Variants in EPB41L4A observed in about 807,000 individuals in gnomAD.
EPB41L4A encodes band 4.1-like protein 4A.
EPB41L4A carries 100 observed loss-of-function variants against 108.6 expected under a neutral mutation model. The observed-to-expected ratio is 0.92, with a 90% CI of 0.78 to 1.09. EPB41L4A has a LOEUF of 1.09. Among genes scored for constraint, EPB41L4A ranks in the 50% least tolerant of loss-of-function variants. The pLI is 0.00. For synonymous variants in EPB41L4A, 319 were observed against 289.0 expected (o/e 1.10, Z -1.05); for missense variants, 1,030 against 842.7 (o/e 1.22, Z -2.75).
At chr5:112,295,595 C>A (rs1016916252) in intron 2 of EPB41L4A, among the ~76,000 whole-genome samples, 3 of 152,070 alleles carry the variant, frequency 2.0e-5, no homozygotes, top group East Asian at 1.9e-4. Flanking sequence ...CCCAAGGGCA[C>A]GAATAATCAC....
chr5:112,288,520 G>A (rs938696681), intron 2 of EPB41L4A, among the ~76,000 whole-genome samples: 1 of 152,126 alleles, frequency 6.6e-6, no homozygotes, highest in African/African-American at 2.4e-5. Context: ...AGGGCCAATC[G>A]TCATAGTGAA....
intron 7 of EPB41L4A, 104 bp downstream of exon 7, chr5:112,262,390 C>A: frequency 1.1e-6 from 1 of 888,674 alleles, no homozygotes; most frequent in Non-Finnish European, 1.8e-6. Context: ...GTATCATCTG[C>A]TTGCTAAACA....
intron 18 of EPB41L4A, among the ~76,000 whole-genome samples, chr5:112,177,078 T>G (rs927156184): frequency 1.3e-5 from 2 of 152,038 alleles, no homozygotes; most frequent in African/African-American, 4.8e-5. Flanking sequence ...TGAACTACTA[T>G]CCACACAAAT....
intron 5 of EPB41L4A, 77 bp from the exon 6 acceptor site, chr5:112,265,093 C>A: frequency 8.1e-7 from 1 of 1,233,058 alleles, no homozygotes; most frequent in Non-Finnish European, 1.1e-6. Context: ...ATATTCCTAA[C>A]ATGCTTAAAC....
intron 9 of EPB41L4A, among the ~76,000 whole-genome samples, chr5:112,254,952 GTT>G (rs565140881): frequency 8.1e-4 from 124 of 152,186 alleles, no homozygotes; most frequent in African/African-American, 2.9e-3. Context: ...TGAAGACCCT[GTT>G]TCCACTGTAG....
intron 12 of EPB41L4A, among the ~76,000 whole-genome samples, chr5:112,223,834 C>A (rs1748252118): frequency 6.6e-6 from 1 of 151,712 alleles, no homozygotes; most frequent in African/African-American, 2.4e-5. Flanking sequence ...GTTAACCAAA[C>A]AGGCAAAATC....
At chr5:112,298,565 T>G (rs1754157755) in intron 2 of EPB41L4A, among the ~76,000 whole-genome samples, 1 of 152,228 alleles carries the variant, frequency 6.6e-6, no homozygotes, top group Non-Finnish European at 1.5e-5. Context: ...ATCTTTTGTA[T>G]ATGCTGTTGG....
intron 21 of EPB41L4A, 52 bp from the exon 22 acceptor site, chr5:112,168,872 A>C: frequency 6.4e-7 from 1 of 1,555,298 alleles, no homozygotes; most frequent in Non-Finnish European, 8.9e-7. Flanking sequence ...CTAGAATCAT[A>C]AATTAAGTTG....
rs566886436 is a variant in EPB41L4A at position 112,181,244 on chromosome 5, G to C, written c.1622+2772C>G. 1.5e-3 allele frequency among the ~76,000 whole-genome samples: 228 copies of C among 152,004 alleles called. 1 individual carries two copies. The highest frequency in any genetic ancestry group is 5.0e-4 in the Non-Finnish European group (34 of 67,980). On this transcript the variant is annotated intron_variant, in intron 18 of 22. Coordinates refer to ENST00000261486, the MANE Select transcript of EPB41L4A (RefSeq NM_022140.5). ...AGGCGGGCGGATCACGAGGTCAGGA[G>C]ATCGAGACCATCCTGGCTAACACGG... is the stretch of plus-strand genomic sequence containing the variant.
intron 12 of EPB41L4A, among the ~76,000 whole-genome samples, chr5:112,211,366 G>A (rs1035693599): frequency 4.6e-5 from 7 of 152,256 alleles, no homozygotes; most frequent in African/African-American, 1.4e-4. Flanking sequence ...GGCGGATCAC[G>A]AGGTCAGGAG....
chr5:112,309,229 A>G (rs1226739890), intron 1 of EPB41L4A, among the ~76,000 whole-genome samples: 1 of 152,218 alleles, frequency 6.6e-6, no homozygotes, highest in Non-Finnish European at 1.5e-5. Flanking sequence ...TATTAAATGA[A>G]TCCCCAGTAT....
At chr5:112,146,192 G>A (rs1269403129) in intron 12 of EPB41L4A, among the ~76,000 whole-genome samples, 3 of 152,110 alleles carry the variant, frequency 2.0e-5, no homozygotes, top group Admixed American at 1.3e-4. Context: ...CAAGCATCGC[G>A]ATCCTCAAAC....
intron 1 of EPB41L4A, among the ~76,000 whole-genome samples, chr5:112,356,043 T>C (rs569214475): frequency 6.6e-6 from 1 of 152,326 alleles, no homozygotes; most frequent in South Asian, 2.1e-4. Flanking sequence ...AGCTGGATTA[T>C]GTTACTTGAC....
chr5:112,289,458 G>A (rs1224655951), intron 2 of EPB41L4A, among the ~76,000 whole-genome samples: 2 of 152,220 alleles, frequency 1.3e-5, no homozygotes, highest in Non-Finnish European at 1.5e-5. Flanking sequence ...AGGGGGTTTG[G>A]GGGGAATATT....
intron 3 of EPB41L4A, among the ~76,000 whole-genome samples, chr5:112,276,790 A>C (rs1752655484): frequency 6.6e-6 from 1 of 152,202 alleles, no homozygotes; most frequent in Non-Finnish European, 1.5e-5. Flanking sequence ...TTAATATTAC[A>C]TACACATACT....
rs562055076 is a variant in EPB41L4A at position 112,314,754 on chromosome 5, C to T, written c.100-7264G>A. ...GTTGCAGTGAGCCGAGACTGCGATACTGCACTCCAGCCTGGGTGACGGAGC... is the reference window on the plus strand; with the variant it reads ...GTTGCAGTGAGCCGAGACTGCGATATTGCACTCCAGCCTGGGTGACGGAGC... On this transcript the variant is annotated intron_variant, in intron 1 of 22. Coordinates refer to ENST00000261486, the MANE Select transcript of EPB41L4A (RefSeq NM_022140.5). Among the ~76,000 whole-genome samples, 15 of 151,902 alleles carry T rather than the reference C, an allele frequency of 9.9e-5. No homozygotes were observed. In the East Asian group the frequency reaches 2.5e-3, roughly 26 times the overall value.
intron 10 of EPB41L4A, among the ~76,000 whole-genome samples, chr5:112,240,296 C>T (rs1749673920): frequency 1.3e-5 from 2 of 152,162 alleles, no homozygotes; most frequent in South Asian, 2.1e-4. Context: ...ACTTAAGTGA[C>T]TTCATCAACT....
chr5:112,377,657 A>T (rs1217541295), intron 1 of EPB41L4A, among the ~76,000 whole-genome samples: 1 of 152,172 alleles, frequency 6.6e-6, no homozygotes, highest in African/African-American at 2.4e-5. Context: ...CCTCAACATA[A>T]TATTAACTAT....
chr5:112,275,918 A>G (rs1580589026), intron 3 of EPB41L4A, among the ~76,000 whole-genome samples: 1 of 152,302 alleles, frequency 6.6e-6, no homozygotes, highest in East Asian at 1.9e-4. Context: ...CTCATGTGGA[A>G]AAGACCAACT....
Sources: gnomAD v4.1 joint callset for allele counts (sites outside exome capture counted in the v4.1 genomes callset) on GRCh38, gnomAD v4.1.1 for gene constraint, MANE v1.5 for transcripts, NCBI Gene and HGNC (gene_info 2026-07-23, HGNC 2026-07-21) for gene names.